The following POLQ variants were observed in gnomAD, a reference collection of about 807,000 sequenced individuals.
POLQ encodes DNA polymerase theta.
POLQ carries 233 observed loss-of-function variants against 259.2 expected under a neutral mutation model. The observed-to-expected ratio is 0.90, with a 90% CI of 0.81 to 1.00. POLQ has a LOEUF of 1.00. Among genes scored for constraint, POLQ ranks in the 50% least tolerant of loss-of-function variants. The pLI, the probability that POLQ is intolerant of heterozygous loss-of-function variation, is 0.00. For missense variants in POLQ, 2,871 were observed against 3,051.6 expected (o/e 0.94, Z 1.39); for synonymous variants, 1,025 against 1,048.8 (o/e 0.98, Z 0.44).
chr3:121,458,304 G>A (rs563861252), intron 25 of POLQ, among the ~76,000 whole-genome samples: 80 of 152,096 alleles, frequency 5.3e-4, no homozygotes, highest in African/African-American at 1.8e-3. Flanking sequence ...GTTAATGGGT[G>A]CAGCACACCA....
rs59962408 is a variant in POLQ, at chr3:121,513,600, CAAAAAAAAAAAA to C, written c.1469-1583_1469-1572del. On this transcript the variant is annotated intron_variant, in intron 9 of 29. Transcript: ENST00000264233. ...CTGGCAACAGAGAGAGACTCTATCT[CAAAAAAAAAAAA>C]AAAAAAAAAAAAAAAGGAAAACAAG... is the stretch of plus-strand genomic sequence containing the variant. Among the ~76,000 whole-genome samples the C allele has an allele frequency of 2.2e-3, 113 of 51,580 alleles. 1 individual carries two copies. Among genetic ancestry groups the C allele is most frequent in the African/African-American group, 9.4e-3 (110 of 11,648 alleles). 33.8% of individuals were successfully genotyped at this position (51,580 alleles called of 152,430 possible).
At chr3:121,442,758 C>A (rs1437688291) in intron 26 of POLQ, among the ~76,000 whole-genome samples, 1 of 152,170 alleles carries the variant, frequency 6.6e-6, no homozygotes, top group East Asian at 1.9e-4. Flanking sequence ...CATGGGAGTG[C>A]ATGCAGATAT....
rs3218630 is a variant in POLQ at position 121,468,467 on chromosome 3, A to G, written c.6719-36T>C. The G allele has an allele frequency of 1.8e-3, 2,634 of 1,505,118 alleles. 41 individuals are homozygous for G. The African/African-American group carries it at 0.032, about 18-fold the overall frequency. 93.2% of individuals were successfully genotyped at this position (1,505,118 alleles called of 1,614,324 possible). ...GCAGAATAAAGACATAAAATCAGGA[A>G]AAAAAATCTAGTATTTGTCTTAACA... On this transcript the variant is annotated intron_variant, in intron 22 of 29. Transcript: ENST00000264233.
rs188048846 is a variant in POLQ, at chr3:121,475,864, A to G, written c.6405+676T>C. ...CTACTTGTGCTGAAACAGAGATTCTATATTTTCTATAAGTTCCCTATGTAA... is the reference window on the plus strand; with the variant it reads ...CTACTTGTGCTGAAACAGAGATTCTGTATTTTCTATAAGTTCCCTATGTAA... On this transcript the variant is annotated intron_variant, in intron 20 of 29. Coordinates refer to ENST00000264233, the MANE Select transcript of POLQ (RefSeq NM_199420.4). Among the ~76,000 whole-genome samples the G allele has an allele frequency of 1.7e-3, 259 of 152,252 alleles. 1 individual carries two copies. The highest frequency in any genetic ancestry group is 5.9e-3 in the African/African-American group (247 of 41,546).
At chr3:121,536,981 T>C (rs1377868536) in intron 5 of POLQ, 119 bp downstream of exon 5, 1 of 644,514 alleles carries the variant, frequency 1.6e-6, no homozygotes, top group Non-Finnish European at 2.8e-6. Flanking sequence ...ATACATAAGT[T>C]TTCTCAATAA....
chr3:121,466,885 T>C (rs1278631258), intron 24 of POLQ, among the ~76,000 whole-genome samples: 1 of 152,058 alleles, frequency 6.6e-6, no homozygotes, highest in Admixed American at 6.6e-5. Context: ...ATTCAGATGG[T>C]TAATTGTACT....
At chr3:121,535,715 CA>C (rs34317903) in intron 5 of POLQ, among the ~76,000 whole-genome samples, 1,790 of 107,348 alleles carry the variant, frequency 0.017, 28 homozygotes, top group African/African-American at 0.059. Context: ...AACTCCATCT[CA>C]AAAAAAAAAA....
chr3:121,452,959 C>G (rs185042184), intron 25 of POLQ, among the ~76,000 whole-genome samples: 3 of 152,280 alleles, frequency 2.0e-5, no homozygotes, highest in Admixed American at 2.0e-4. Context: ...TGACCCTTGA[C>G]CCCCGAGCAG....
intron 24 of POLQ, among the ~76,000 whole-genome samples, chr3:121,465,269 T>C (rs891768969): frequency 6.6e-6 from 1 of 151,910 alleles, no homozygotes; most frequent in African/African-American, 2.4e-5. Flanking sequence ...TTTTTTGACT[T>C]TCTGTAAAGA....
At chr3:121,454,842 G>A (rs1192913443) in intron 25 of POLQ, among the ~76,000 whole-genome samples, 1 of 152,054 alleles carries the variant, frequency 6.6e-6, no homozygotes, top group Non-Finnish European at 1.5e-5. Flanking sequence ...AAGTTAACAA[G>A]GATACCCAGG....
chr3:121,529,826 T>A (rs751674810), intron 6 of POLQ, 34 bp from the exon 7 acceptor site: 6 of 1,542,142 alleles, frequency 3.9e-6, no homozygotes, highest in South Asian at 1.2e-5. Flanking sequence ...ACTTTAGTGG[T>A]CCTTTCAAAA....
intron 7 of POLQ, among the ~76,000 whole-genome samples, chr3:121,522,671 T>G (rs1431553120): frequency 1.3e-5 from 2 of 152,134 alleles, no homozygotes; most frequent in Non-Finnish European, 2.9e-5. Flanking sequence ...ATATAATTGG[T>G]GTGGGATGTG....
rs909170846 is a variant in POLQ, at chr3:121,476,717, C to T, written c.6228G>A (p.Val2076=). 2 of 1,599,010 alleles carry T rather than the reference C, an allele frequency of 1.3e-6. No homozygotes were observed. The highest frequency in any genetic ancestry group is 1.7e-6 in the Non-Finnish European group (2 of 1,175,562). The part of the protein sequence containing the change: ...KENLQDVFRK[V]EMPSQYCLAL... ...CCAAGCAGTACTGAGAGGGCATTTCCACCTTACGGAAAACATCTGGAAGAA... is the reference window on the plus strand; with the variant it reads ...CCAAGCAGTACTGAGAGGGCATTTCTACCTTACGGAAAACATCTGGAAGAA... The change falls in exon 20 of 30, where the codon GTG becomes GTA. Residue 2076 remains valine, a synonymous_variant. Coordinates refer to ENST00000264233, the MANE Select transcript of POLQ (RefSeq NM_199420.4).
At chr3:121,542,973 G>C (rs1418072281) in intron 2 of POLQ, among the ~76,000 whole-genome samples, 2 of 151,598 alleles carry the variant, frequency 1.3e-5, no homozygotes, top group Non-Finnish European at 2.9e-5. Flanking sequence ...GGCAACAAGA[G>C]CAAAACTCCA....
In POLQ at chr3:121,432,899, A is replaced by G; in HGVS notation, c.7659+19T>C. ...TGTCTTGTCTTCCTATGGAATGGAC[A>G]CAAGCATTGCAAAAATACCTGAACA... On this transcript the variant is annotated intron_variant, in intron 29 of 29. Coordinates refer to ENST00000264233, the MANE Select transcript of POLQ (RefSeq NM_199420.4). 7.5e-7 allele frequency: 1 copy of G among 1,326,966 alleles called. No individual in the cohort carries two copies. The highest frequency in any genetic ancestry group is 1.1e-6 in the Non-Finnish European group (1 of 918,520). The allele number at this position is 1,326,966 out of a possible 1,614,324, so 82.2% of individuals were successfully genotyped here. A position where few individuals can be genotyped will look rare whatever the true frequency, so the allele number is the denominator to read the frequency against.
intron 8 of POLQ, 96 bp downstream of exon 8, chr3:121,521,907 G>T: frequency 1.1e-6 from 1 of 872,100 alleles, no homozygotes; most frequent in Non-Finnish European, 1.7e-6. Context: ...AGGACATTAA[G>T]TGTGTTTAAC....
intron 28 of POLQ, 103 bp from the exon 29 acceptor site, chr3:121,433,136 T>A: frequency 1.4e-6 from 1 of 695,614 alleles, no homozygotes; most frequent in East Asian, 2.7e-5. Context: ...ATGAGAAGAT[T>A]AAAACACACA....
At chr3:121,475,166 A>C (rs1354036198) in intron 20 of POLQ, among the ~76,000 whole-genome samples, 2 of 151,944 alleles carry the variant, frequency 1.3e-5, no homozygotes, top group African/African-American at 4.8e-5. Flanking sequence ...CCATTCCCCT[A>C]TCTAAAACTT....
intron 16 of POLQ, 105 bp from the exon 17 acceptor site, chr3:121,485,289 T>G: frequency 1.4e-6 from 1 of 691,076 alleles, no homozygotes; most frequent in East Asian, 2.9e-5. Flanking sequence ...TAGGCAAAAT[T>G]TCCAGATCTT....
Sources: allele counts gnomAD v4.1 joint callset (sites outside exome capture counted in the v4.1 genomes callset), GRCh38; gene constraint gnomAD v4.1.1; transcripts MANE v1.5; gene names NCBI Gene and HGNC (gene_info 2026-07-23, HGNC 2026-07-21).